The following CARMIL1 variants were observed in gnomAD, a reference collection of about 807,000 sequenced individuals.
CARMIL1 encodes capping protein regulator and myosin 1 linker 1.
In CARMIL1, 90 loss-of-function variants were observed where a neutral mutation model predicts 177.1. The ratio of observed to expected loss-of-function variants is 0.51; its 90% CI spans 0.43 to 0.61. The LOEUF (loss-of-function observed/expected upper bound fraction) is 0.61, where lower values mean the gene tolerates loss of function less well. Among genes scored for constraint, CARMIL1 ranks in the 20% least tolerant of loss-of-function variants. The probability of loss-of-function intolerance (pLI) is 0.00; values close to 1 mark genes in which losing one functional copy is unlikely to be tolerated. For missense variants in CARMIL1, 1,380 were observed against 1,667.0 expected (o/e 0.83, Z 3.00); for synonymous variants, 577 against 606.2 (o/e 0.95, Z 0.71).
intron 24 of CARMIL1, among the ~76,000 whole-genome samples, chr6:25,530,598 G>A (rs746649936): frequency 1.3e-5 from 2 of 152,096 alleles, no homozygotes; most frequent in East Asian, 1.9e-4. Flanking sequence ...CTTCTTCCTC[G>A]TTTGGAAGCG....
At chr6:25,309,734 G>A (rs1330939522) in intron 2 of CARMIL1, among the ~76,000 whole-genome samples, 1 of 148,766 alleles carries the variant, frequency 6.7e-6, no homozygotes, top group African/African-American at 2.5e-5. Context: ...TATTATGGTT[G>A]AATGATATTC....
chr6:25,478,523 A>C (rs1023736121), intron 11 of CARMIL1, among the ~76,000 whole-genome samples: 1 of 152,218 alleles, frequency 6.6e-6, no homozygotes, highest in Admixed American at 6.5e-5. Context: ...TTGGCTGGGC[A>C]CGGTGGCTCA....
chr6:25,368,939 G>A (rs1425416771), intron 2 of CARMIL1, among the ~76,000 whole-genome samples: 2 of 152,130 alleles, frequency 1.3e-5, no homozygotes, highest in African/African-American at 4.8e-5. Flanking sequence ...TAATTACAGT[G>A]GAGCAATTCT....
intron 2 of CARMIL1, among the ~76,000 whole-genome samples, chr6:25,299,893 G>A (rs559924188): frequency 6.6e-6 from 1 of 151,498 alleles, no homozygotes; most frequent in South Asian, 2.1e-4. Context: ...CATGAGAATT[G>A]CTTGAAACTG....
rs545312904 is a variant in CARMIL1, at chr6:25,362,050, CTG to C, written c.139-58060_139-58059del. ...AAAATAAATTACACAGTCTGTGATA[CTG>C]TGTTATAGCAACAGAAAATGAACTA... On this transcript the variant is annotated intron_variant, in intron 2 of 36. Transcript: ENST00000329474. Among the ~76,000 whole-genome samples, 966 of 152,192 alleles carry C rather than the reference CTG, an allele frequency of 6.3e-3. 14 individuals carry two copies. Among genetic ancestry groups the C allele is most frequent in the African/African-American group, 0.022 (927 of 41,536 alleles).
chr6:25,584,026 C>CTTT (rs71544648), intron 31 of CARMIL1, among the ~76,000 whole-genome samples: 16 of 119,126 alleles, frequency 1.3e-4, no homozygotes, highest in South Asian at 3.0e-4. Context: ...TTTTCTTTTT[C>CTTT]TTTTTTTTTT....
intron 31 of CARMIL1, among the ~76,000 whole-genome samples, chr6:25,584,107 A>T (rs1813408402): frequency 2.8e-5 from 4 of 145,424 alleles, no homozygotes; most frequent in African/African-American, 1.0e-4. Flanking sequence ...GCCTCACTGC[A>T]GCCTTGAACT....
chr6:25,617,379 G>T (rs536708806), intron 36 of CARMIL1, among the ~76,000 whole-genome samples: 3 of 151,990 alleles, frequency 2.0e-5, no homozygotes, highest in African/African-American at 7.2e-5. Context: ...TACAACATGA[G>T]TTAGACCCAA....
intron 31 of CARMIL1, among the ~76,000 whole-genome samples, chr6:25,583,478 C>T (rs79307112): frequency 0.019 from 2,950 of 152,278 alleles, 78 homozygotes; most frequent in African/African-American, 0.061. Flanking sequence ...GTAATATGCT[C>T]AGTGCTTACA....
At chr6:25,450,964 CTCT>C (rs1798823655) in intron 8 of CARMIL1, among the ~76,000 whole-genome samples, 1 of 7,884 alleles carries the variant, frequency 1.3e-4, no homozygotes, top group Non-Finnish European at 2.9e-4. Context: ...CTCCTCTCCT[CTCT>C]TCTCTTCTCC....
intron 11 of CARMIL1, among the ~76,000 whole-genome samples, chr6:25,478,006 C>T (rs925180436): frequency 6.6e-6 from 1 of 151,950 alleles, no homozygotes; most frequent in East Asian, 1.9e-4. Context: ...CAGGTGTGCA[C>T]TACCACACCT....
At chr6:25,459,270 T>TCTTTCTTTCTTTC (rs1177493724) in intron 8 of CARMIL1, among the ~76,000 whole-genome samples, 3 of 21,212 alleles carry the variant, frequency 1.4e-4, no homozygotes, top group African/African-American at 2.6e-4. Flanking sequence ...TTCTTTCTTT[T>TCTTTCTTTCTTTC]TTTTTTTTTT....
In CARMIL1 at chr6:25,345,094, C is replaced by T. The variant is rs950803287; in HGVS notation, c.138+60185C>T. Among the ~76,000 whole-genome samples, 9 of 152,214 alleles carry T rather than the reference C, an allele frequency of 5.9e-5. No homozygotes were observed. The East Asian group carries it at 7.7e-4, about 13-fold the overall frequency. On this transcript the variant is annotated intron_variant, in intron 2 of 36. Transcript: ENST00000329474. Reference sequence around the variant, plus strand: ...CAGTCAAGTTTGCACCTTAACTCACCGTACTTCACTGGCATTGTGCTTTTC... The same window carrying T: ...CAGTCAAGTTTGCACCTTAACTCACTGTACTTCACTGGCATTGTGCTTTTC...
At chr6:25,423,635 G>C (rs531145537) in intron 3 of CARMIL1, among the ~76,000 whole-genome samples, 1 of 152,228 alleles carries the variant, frequency 6.6e-6, no homozygotes, top group African/African-American at 2.4e-5. Flanking sequence ...GGGGAAGAGC[G>C]GGAGTTACTG....
chr6:25,488,642 A>G (rs879263157), intron 13 of CARMIL1, 57 bp downstream of exon 13: 11 of 1,350,282 alleles, frequency 8.1e-6, no homozygotes, highest in African/African-American at 7.2e-5. Context: ...TAAGCCTGGA[A>G]TAATTCTAAA....
intron 11 of CARMIL1, among the ~76,000 whole-genome samples, chr6:25,473,920 G>T (rs1158928153): frequency 6.6e-6 from 1 of 152,156 alleles, no homozygotes; most frequent in African/African-American, 2.4e-5. Flanking sequence ...TGGGTAGAGA[G>T]AGGAGTCAGT....
At chr6:25,503,419 A>G (rs1804603537) in intron 17 of CARMIL1, among the ~76,000 whole-genome samples, 1 of 152,202 alleles carries the variant, frequency 6.6e-6, no homozygotes, top group African/African-American at 2.4e-5. Flanking sequence ...ACATTTAAGT[A>G]GGTTTCAGTT....
chr6:25,341,042 T>C (rs1273411573), intron 2 of CARMIL1, among the ~76,000 whole-genome samples: 1 of 152,118 alleles, frequency 6.6e-6, no homozygotes, highest in Non-Finnish European at 1.5e-5. Flanking sequence ...GCAGTGATCT[T>C]AGCTCATGTT....
At chr6:25,471,502 G>T (rs769924538) in intron 10 of CARMIL1, among the ~76,000 whole-genome samples, 1 of 152,070 alleles carries the variant, frequency 6.6e-6, no homozygotes, top group Non-Finnish European at 1.5e-5. Flanking sequence ...TTAAGAGCAT[G>T]GATCCTTGAG....
Sources: allele counts gnomAD v4.1 joint callset (sites outside exome capture counted in the v4.1 genomes callset), GRCh38; gene constraint gnomAD v4.1.1; transcripts MANE v1.5; gene names NCBI Gene and HGNC (gene_info 2026-07-23, HGNC 2026-07-21).